MAGI1: variants seen among roughly 807,000 people sequenced by gnomAD.
MAGI1 encodes the protein membrane-associated guanylate kinase, WW and PDZ domain-containing protein 1.
MAGI1 carries 58 observed loss-of-function variants against 139.9 expected under a neutral mutation model. The observed-to-expected ratio is 0.41, with a 90% CI of 0.34 to 0.52. The LOEUF is 0.52. Ranked by LOEUF, MAGI1 falls within the 20% of genes least tolerant of loss-of-function variation. The pLI is 0.12. For synonymous variants in MAGI1, 812 were observed against 737.9 expected (o/e 1.10, Z -1.63); for missense variants, 1,874 against 1,901.6 (o/e 0.99, Z 0.27).
chr3:65,493,609 T>C lies in MAGI1; in HGVS notation c.453A>G (p.Glu151=). The C allele has an allele frequency of 6.2e-7, 1 of 1,614,186 alleles. No individual in the cohort carries two copies. The highest frequency in any genetic ancestry group is 8.5e-7 in the Non-Finnish European group (1 of 1,180,028). ...TATAGTCCACGCCAGGCACTTCTCC[T>C]TCTCTGGGAGATCGGGTTGTGCCTG... is the stretch of plus-strand genomic sequence containing the variant. ...AVPCTTRSPR[E]GEVPGVDYNF... The change falls in exon 3 of 23, where the codon GAA becomes GAG. Residue 151 remains glutamate, a synonymous_variant. Transcript: ENST00000402939.
At chr3:65,755,894 C>A (rs981230373) in intron 1 of MAGI1, among the ~76,000 whole-genome samples, 4 of 152,202 alleles carry the variant, frequency 2.6e-5, no homozygotes, top group Admixed American at 6.5e-5. Flanking sequence ...AATATAAACA[C>A]TGAATAATCT....
At chr3:65,614,564 T>TA (rs869258854) in intron 2 of MAGI1, among the ~76,000 whole-genome samples, 24 of 152,238 alleles carry the variant, frequency 1.6e-4, no homozygotes, top group African/African-American at 5.3e-4. Context: ...TTGGTTTTTT[T>TA]AAAAAAAGGT....
chr3:65,908,219 T>C (rs990104287), intron 1 of MAGI1, among the ~76,000 whole-genome samples: 10 of 152,044 alleles, frequency 6.6e-5, no homozygotes, highest in African/African-American at 9.7e-5. Context: ...ACGCAGAAAA[T>C]GTCTACGAAA....
At chr3:65,874,834 G>A (rs2060058589) in intron 1 of MAGI1, 1 of 152,522 alleles carries the variant, frequency 6.6e-6, no homozygotes, top group Admixed American at 6.5e-5. Context: ...ACTCACCATA[G>A]CCAAAAACTA....
At chr3:65,572,874 G>A (rs1190656823) in intron 2 of MAGI1, among the ~76,000 whole-genome samples, 2 of 151,464 alleles carry the variant, frequency 1.3e-5, no homozygotes, top group Non-Finnish European at 2.9e-5. Flanking sequence ...CTAGATCATA[G>A]GAACATTTGA....
At chr3:65,939,963 G>GA (rs1444698091) in intron 1 of MAGI1, among the ~76,000 whole-genome samples, 4 of 152,112 alleles carry the variant, frequency 2.6e-5, no homozygotes, top group African/African-American at 7.2e-5. Context: ...TGACTAAAAT[G>GA]AAAAAAATCA....
chr3:65,919,857 A>G (rs903544956), intron 1 of MAGI1, among the ~76,000 whole-genome samples: 1 of 152,172 alleles, frequency 6.6e-6, no homozygotes, highest in Non-Finnish European at 1.5e-5. Flanking sequence ...TAGAACTCTC[A>G]GTTTTAGCCA....
intron 1 of MAGI1, among the ~76,000 whole-genome samples, chr3:65,930,260 G>C (rs2062738550): frequency 7.1e-6 from 1 of 140,034 alleles, no homozygotes; most frequent in African/African-American, 2.6e-5. Flanking sequence ...AGCTTGCAGT[G>C]AGCCGAGATA....
chr3:65,978,457 G>T (rs140380034), intron 1 of MAGI1, among the ~76,000 whole-genome samples: 69 of 152,046 alleles, frequency 4.5e-4, no homozygotes, highest in African/African-American at 1.7e-3. Context: ...CCAGGGGAGG[G>T]AGCTGACTGT....
intron 1 of MAGI1, among the ~76,000 whole-genome samples, chr3:65,649,449 C>T (rs2085460681): frequency 6.6e-6 from 1 of 152,118 alleles, no homozygotes; most frequent in Non-Finnish European, 1.5e-5. Context: ...AGTTTTCTCA[C>T]ACCATGACAA....
At chr3:65,708,910 A>C (rs940113804) in intron 1 of MAGI1, among the ~76,000 whole-genome samples, 1 of 152,302 alleles carries the variant, frequency 6.6e-6, no homozygotes, top group South Asian at 2.1e-4. Context: ...AGCAGGAAGG[A>C]GTAATTTCCA....
At chr3:65,447,224 T>C (rs1227292646) in intron 7 of MAGI1, among the ~76,000 whole-genome samples, 1 of 152,220 alleles carries the variant, frequency 6.6e-6, no homozygotes, top group Non-Finnish European at 1.5e-5. Context: ...CATCAGCAAA[T>C]GTATCAGACG....
intron 1 of MAGI1, among the ~76,000 whole-genome samples, chr3:65,629,808 G>A (rs1559736177): frequency 1.3e-5 from 2 of 151,932 alleles, no homozygotes; most frequent in Non-Finnish European, 2.9e-5. Flanking sequence ...CCCTTTAATG[G>A]GTGCGGAGTT....
intron 2 of MAGI1, among the ~76,000 whole-genome samples, chr3:65,512,554 A>G (rs1323388937): frequency 6.6e-6 from 1 of 152,188 alleles, no homozygotes; most frequent in Admixed American, 6.5e-5. Flanking sequence ...TAGAAAATCT[A>G]GAAGAAATGG....
intron 2 of MAGI1, among the ~76,000 whole-genome samples, chr3:65,502,353 T>C (rs1163294589): frequency 6.6e-6 from 1 of 151,912 alleles, no homozygotes; most frequent in African/African-American, 2.4e-5. Context: ...ATTAGAAATA[T>C]CTTAGATACC....
At chr3:65,386,439 T>A (rs1943457943) in intron 14 of MAGI1, among the ~76,000 whole-genome samples, 1 of 152,132 alleles carries the variant, frequency 6.6e-6, no homozygotes, top group African/African-American at 2.4e-5. Flanking sequence ...CTACTTTAAT[T>A]TTGGTATTTT....
rs530412730 is a variant in MAGI1, at chr3:65,731,497, A to G, written c.314-109409T>C. ...GTGAAGCCCTATCTCTTAAAAAAAA[A>G]AAAAAAAATTAGCTGAGCATGGTGG... On this transcript the variant is annotated intron_variant, in intron 1 of 22. Transcript: ENST00000402939. 6.5e-4 allele frequency among the ~76,000 whole-genome samples: 98 copies of G among 151,248 alleles called. No individual in the cohort carries two copies. The East Asian group carries it at 0.019, about 29-fold the overall frequency.
intron 1 of MAGI1, among the ~76,000 whole-genome samples, chr3:66,035,951 T>C (rs1281111537): frequency 6.6e-6 from 1 of 152,166 alleles, no homozygotes; most frequent in African/African-American, 2.4e-5. Flanking sequence ...TGCAGCATCT[T>C]GCACACTGCA....
intron 3 of MAGI1, among the ~76,000 whole-genome samples, chr3:65,486,862 T>G (rs1000974883): frequency 6.6e-6 from 1 of 152,186 alleles, no homozygotes; most frequent in East Asian, 1.9e-4. Context: ...ACCCCAATTA[T>G]AGTATTTTTT....
Sources: gnomAD v4.1 joint callset for allele counts (sites outside exome capture counted in the v4.1 genomes callset) on GRCh38, gnomAD v4.1.1 for gene constraint, MANE v1.5 for transcripts, NCBI Gene and HGNC (gene_info 2026-07-23, HGNC 2026-07-21) for gene names.